Variants in DNAJC18 observed in about 807,000 individuals in gnomAD.
DNAJC18 encodes DnaJ heat shock protein family (Hsp40) member C18.
In DNAJC18, 40 loss-of-function variants were observed where a neutral mutation model predicts 48.6. The observed-to-expected ratio is 0.82, with a 90% CI of 0.64 to 1.07. DNAJC18 has a LOEUF of 1.07. Among genes scored for constraint, DNAJC18 ranks in the 50% least tolerant of loss-of-function variants. The probability of loss-of-function intolerance (pLI) is 0.00; values close to 1 mark genes in which losing one functional copy is unlikely to be tolerated. For synonymous variants in DNAJC18, 135 were observed against 152.2 expected (o/e 0.89, Z 0.83); for missense variants, 340 against 427.7 (o/e 0.79, Z 1.81).
chr5:139,417,567 G>T (rs1759088518), intron 7 of DNAJC18, among the ~76,000 whole-genome samples: 1 of 148,852 alleles, frequency 6.7e-6, no homozygotes, highest in Non-Finnish European at 1.5e-5. Context: ...TTACTCACTG[G>T]ATTTTTTTTT....
chr5:139,438,249 G>C (rs1211532446), intron 1 of DNAJC18, among the ~76,000 whole-genome samples: 1 of 151,714 alleles, frequency 6.6e-6, no homozygotes, highest in East Asian at 1.9e-4. Context: ...CCGGGAGGCG[G>C]AGGTTGCAGT....
intron 5 of DNAJC18, among the ~76,000 whole-genome samples, chr5:139,423,418 C>G (rs936143173): frequency 1.4e-5 from 2 of 144,624 alleles, no homozygotes; most frequent in Non-Finnish European, 3.0e-5. Context: ...GAGACATGGT[C>G]TTGCTCTGTC....
intron 2 of DNAJC18, among the ~76,000 whole-genome samples, chr5:139,432,657 G>A (rs1011646335): frequency 6.6e-6 from 1 of 152,282 alleles, no homozygotes; most frequent in Admixed American, 6.5e-5. Flanking sequence ...TTTAAAGGCA[G>A]TCCCTTAATG....
intron 2 of DNAJC18, among the ~76,000 whole-genome samples, chr5:139,434,208 T>G (rs533802395): frequency 6.6e-6 from 1 of 152,136 alleles, no homozygotes; most frequent in African/African-American, 2.4e-5. Flanking sequence ...ATCTAAAAAA[T>G]TTTTCCAATG....
chr5:139,425,051 T>A lies in DNAJC18; in HGVS notation c.623A>T (p.His208Leu), dbSNP rs1423020161. The A allele has an allele frequency of 3.1e-6, 5 of 1,613,404 alleles. No homozygotes were observed. Among genetic ancestry groups the A allele is most frequent in the East Asian group, 2.2e-5 (1 of 44,878 alleles). Residue 208 changes from histidine (H) to leucine (L), a missense_variant, in exon 5 of 8, where the codon CAT becomes CTT. By Grantham distance (99) the His-to-Leu change is moderately conservative. Coordinates refer to ENST00000302060, the MANE Select transcript of DNAJC18 (RefSeq NM_152686.4). ...CTCCTTCTGAGTCTGTGTCCTCTCA[T>A]GTCGGTGCCGTCGACGGTAATAGTA... ...DTYYYRRRHR[H>L]ERTQTQKEEE...
intron 4 of DNAJC18, 99 bp downstream of exon 4, chr5:139,426,073 A>T (rs973123622): frequency 1.5e-6 from 2 of 1,307,016 alleles, no homozygotes; most frequent in Non-Finnish European, 2.1e-6. Flanking sequence ...TGCTGTTTCC[A>T]TCATACCATT....
chr5:139,438,043 GC>G (rs1401589714), intron 1 of DNAJC18, among the ~76,000 whole-genome samples: 1 of 152,192 alleles, frequency 6.6e-6, no homozygotes, highest in Non-Finnish European at 1.5e-5. Context: ...AGGGCCGGGC[GC>G]GGTGGCTCAC....
rs372536967 is a variant in DNAJC18, at chr5:139,414,130, C to T, written c.*18G>A. 66 of 1,609,676 alleles carry T rather than the reference C, an allele frequency of 4.1e-5. No individual in the cohort carries two copies. In the African/African-American group the frequency reaches 7.8e-4, roughly 19 times the overall value. ...AACAAGTAGCAAAACCCCAGCCCTGCGTAGGACCATTATCCTCTCAGCCAC... is the reference window on the plus strand; with the variant it reads ...AACAAGTAGCAAAACCCCAGCCCTGTGTAGGACCATTATCCTCTCAGCCAC... On this transcript the variant is annotated 3_prime_UTR_variant, in exon 8 of 8. Transcript: ENST00000302060.
intron 7 of DNAJC18, among the ~76,000 whole-genome samples, chr5:139,416,065 G>A (rs1759065270): frequency 1.3e-5 from 2 of 152,124 alleles, no homozygotes; most frequent in South Asian, 4.1e-4. Flanking sequence ...CCTTGTACAA[G>A]GTCAGTGTTT....
In DNAJC18 at chr5:139,437,418, C is replaced by T. The variant is rs1417070893; in HGVS notation, c.181G>A (p.Glu61Lys). ...ENEWTQTRQG[E>K]GNSTYSEEQL... ...TCCTCACTATACGTGGAGTTCCCCT[C>T]ACCCTGCCGGGTCTGAGTCCACTCA... The change falls in exon 2 of 8, where the codon GAG becomes AAG. Residue 61 changes from glutamate to lysine, a missense_variant. Physicochemically the swap from Glu to Lys is moderately conservative, Grantham distance 56. Coordinates refer to ENST00000302060, the MANE Select transcript of DNAJC18 (RefSeq NM_152686.4). 1.2e-5 allele frequency: 19 copies of T among 1,614,058 alleles called. No individual in the cohort carries two copies. The highest frequency in any genetic ancestry group is 1.5e-5 in the Non-Finnish European group (18 of 1,179,968).
At chr5:139,429,553 A>G (rs1759297734) in intron 2 of DNAJC18, among the ~76,000 whole-genome samples, 1 of 152,218 alleles carries the variant, frequency 6.6e-6, no homozygotes, top group African/African-American at 2.4e-5. Context: ...CAGAGAGTAC[A>G]GGTATAGTCC....
chr5:139,424,935 G>T, intron 5 of DNAJC18, 70 bp downstream of exon 5: 1 of 1,294,342 alleles, frequency 7.7e-7, no homozygotes, highest in South Asian at 1.2e-5. Context: ...TCTAAAACTT[G>T]ACCATGTACC....
intron 2 of DNAJC18, among the ~76,000 whole-genome samples, chr5:139,436,910 A>T (rs1481130961): frequency 6.6e-6 from 1 of 152,112 alleles, no homozygotes; most frequent in Non-Finnish European, 1.5e-5. Context: ...TTATTCTGTG[A>T]CTTGCTTGCT....
intron 3 of DNAJC18, among the ~76,000 whole-genome samples, chr5:139,428,118 T>C (rs4835730): frequency 0.5 from 76,373 of 152,072 alleles, 22,642 homozygotes; most frequent in Non-Finnish European, 0.67. Flanking sequence ...TCATGGAGGA[T>C]GGGCACAGTG....
chr5:139,415,795 C>T (rs1189483101), intron 7 of DNAJC18, among the ~76,000 whole-genome samples: 9 of 152,168 alleles, frequency 5.9e-5, no homozygotes, highest in Admixed American at 5.9e-4. Flanking sequence ...CACAGTTACA[C>T]CAGTATTGAA....
rs150021895 is a variant in DNAJC18 at position 139,422,775 on chromosome 5, T to C, written c.712A>G (p.Ile238Val). The part of the protein sequence containing the change: ...AFIQLLPVLV[I>V]VIISVITQLL... ...TGAGTAATGACAGATATAATCACAA[T>C]CACAAGAACTGGAAGTAGCTGAATA... The change falls in exon 6 of 8, where the codon ATT becomes GTT. Residue 238 changes from isoleucine (I) to valine (V), a missense_variant. Transcript: ENST00000302060. The C allele has an allele frequency of 8.8e-5, 141 of 1,609,740 alleles. No individual in the cohort carries two copies. In the African/African-American group the frequency reaches 1.7e-3, roughly 19 times the overall value.
rs1245789076 is a variant in DNAJC18 at position 139,436,651 on chromosome 5, G to A, written c.227+721C>T. On this transcript the variant is annotated intron_variant, in intron 2 of 7. Transcript: ENST00000302060. Reference sequence around the variant, plus strand: ...CTCAAGTAGCTGGGACTACAGGTTGGTGCCATCATACCAAGCTAATTTTTG... The same window carrying A: ...CTCAAGTAGCTGGGACTACAGGTTGATGCCATCATACCAAGCTAATTTTTG... Among the ~76,000 whole-genome samples the A allele has an allele frequency of 2.0e-5, 3 of 151,056 alleles. No homozygotes were observed. In the East Asian group the frequency reaches 5.8e-4, roughly 29 times the overall value.
In DNAJC18 at chr5:139,414,104, G is replaced by T. The variant is rs367605896; in HGVS notation, c.*44C>A. 2.2e-5 allele frequency: 35 copies of T among 1,587,276 alleles called. No individual in the cohort carries two copies. The highest frequency in any genetic ancestry group is 2.4e-5 in the Non-Finnish European group (28 of 1,170,454). On this transcript the variant is annotated 3_prime_UTR_variant, in exon 8 of 8. Coordinates refer to ENST00000302060, the MANE Select transcript of DNAJC18 (RefSeq NM_152686.4). ...AAAATGGAATCAGGAACATAAATAG[G>T]AACAAGTAGCAAAACCCCAGCCCTG...
chr5:139,433,586 C>T (rs1005072774), intron 2 of DNAJC18, among the ~76,000 whole-genome samples: 1 of 152,102 alleles, frequency 6.6e-6, no homozygotes, highest in Non-Finnish European at 1.5e-5. Context: ...ATACTTGAGG[C>T]TCAGCAAAAT....
Sources: allele counts gnomAD v4.1 joint callset (sites outside exome capture counted in the v4.1 genomes callset), GRCh38; gene constraint gnomAD v4.1.1; transcripts MANE v1.5; gene names NCBI Gene and HGNC (gene_info 2026-07-23, HGNC 2026-07-21).